The following RELN variants were observed in gnomAD, a reference collection of about 807,000 sequenced individuals.
RELN encodes reelin.
RELN carries 108 observed loss-of-function variants against 427.6 expected under a neutral mutation model. The observed-to-expected ratio is 0.25, with a 90% CI of 0.22 to 0.30. The LOEUF (loss-of-function observed/expected upper bound fraction) is 0.30, where lower values mean the gene tolerates loss of function less well. RELN is among the 10% of genes least tolerant of loss of function. The pLI is 1.00. For synonymous variants in RELN, 1,524 were observed against 1,513.4 expected (o/e 1.01, Z -0.16); for missense variants, 3,715 against 4,302.8 (o/e 0.86, Z 3.82).
intron 48 of RELN, among the ~76,000 whole-genome samples, chr7:103,520,954 G>GTTTTTTTTTTTTTTTTTTTTT (rs1462369530): frequency 2.6e-5 from 2 of 78,190 alleles, no homozygotes; most frequent in Admixed American, 1.5e-4. Context: ...CAGTAAATTT[G>GTTTTTTTTTTTTTTTTTTTTT]TTATTTTTTT....
intron 1 of RELN, among the ~76,000 whole-genome samples, chr7:103,924,941 C>T (rs1245681451): frequency 6.6e-6 from 1 of 151,224 alleles, no homozygotes; most frequent in Non-Finnish European, 1.5e-5. Flanking sequence ...AAACCCCAAC[C>T]CACCCTACAA....
intron 50 of RELN, among the ~76,000 whole-genome samples, chr7:103,511,897 C>T (rs1264963189): frequency 6.6e-6 from 1 of 152,100 alleles, no homozygotes; most frequent in Non-Finnish European, 1.5e-5. Flanking sequence ...TGGAAATATG[C>T]ACAACCCATG....
intron 3 of RELN, among the ~76,000 whole-genome samples, chr7:103,786,612 T>C (rs755003009): frequency 2.6e-5 from 4 of 151,156 alleles, no homozygotes; most frequent in Non-Finnish European, 4.4e-5. Context: ...AGAAGGGCAT[T>C]ACATAATAGT....
At chr7:103,541,227 G>A (rs1008027005) in intron 43 of RELN, among the ~76,000 whole-genome samples, 6 of 152,124 alleles carry the variant, frequency 3.9e-5, no homozygotes. Flanking sequence ...AACCAGCTGG[G>A]GTGCCAATGA....
intron 12 of RELN, among the ~76,000 whole-genome samples, chr7:103,655,265 T>C (rs1833001641): frequency 6.6e-6 from 1 of 152,076 alleles, no homozygotes; most frequent in Non-Finnish European, 1.5e-5. Flanking sequence ...GGCATGTATA[T>C]GTATTTCCTG....
intron 16 of RELN, among the ~76,000 whole-genome samples, chr7:103,642,850 G>A (rs971142231): frequency 6.6e-6 from 1 of 152,032 alleles, no homozygotes; most frequent in Non-Finnish European, 1.5e-5. Context: ...AGAGGCAAAT[G>A]CCTACTCCCT....
At chr7:103,513,994 A>C (rs979844574) in intron 50 of RELN, 3 of 152,176 alleles carry the variant, frequency 2.0e-5, no homozygotes, top group Non-Finnish European at 4.4e-5. Context: ...TAAAATTAAA[A>C]ATTTTTAAAC....
intron 3 of RELN, among the ~76,000 whole-genome samples, chr7:103,780,217 C>G (rs62480723): frequency 0.029 from 4,396 of 152,308 alleles, 85 homozygotes; most frequent in Non-Finnish European, 0.045. Flanking sequence ...AACCCCTTCT[C>G]CCACAGTGTT....
intron 53 of RELN, 51 bp from the exon 54 acceptor site, chr7:103,498,303 A>T: frequency 6.6e-7 from 1 of 1,514,112 alleles, no homozygotes; most frequent in African/African-American, 1.4e-5. Flanking sequence ...TCAGATAACT[A>T]TGGAATATTT....
chr7:103,641,355 T>C (rs1162347338), intron 16 of RELN, among the ~76,000 whole-genome samples: 1 of 152,226 alleles, frequency 6.6e-6, no homozygotes, highest in Non-Finnish European at 1.5e-5. Flanking sequence ...AGTATTTACA[T>C]AATTTTATTG....
chr7:103,682,199 A>T lies in RELN; in HGVS notation c.1206T>A (p.Asn402Lys). 6.2e-7 allele frequency: 1 copy of T among 1,614,056 alleles called. No homozygotes were observed. Among genetic ancestry groups the T allele is most frequent in the South Asian group, 1.1e-5 (1 of 91,076 alleles). ...YFHGNEGSEFNFATTRDVDLS... is the reference protein window; with the variant it reads ...YFHGNEGSEFKFATTRDVDLS... Reference sequence around the variant, plus strand: ...GATCTACATCCCTGGTGGTGGCAAAATTGAACTCGCTGCCTTCATTTCCAT... The same window carrying T: ...GATCTACATCCCTGGTGGTGGCAAATTTGAACTCGCTGCCTTCATTTCCAT... The change falls in exon 11 of 65, where the codon AAT (asparagine) becomes AAA (lysine). Residue 402 changes from asparagine (N) to lysine (K), a missense_variant. By Grantham distance (94) the Asn-to-Lys change is moderately conservative (BLOSUM62 0). This residue lies in a region of RELN where 2,208 missense variants were observed against 2,361.7 expected (regional missense o/e 0.93). Coordinates refer to ENST00000428762, the MANE Select transcript of RELN (RefSeq NM_005045.4).
At chr7:103,812,646 T>A (rs1312250362) in intron 3 of RELN, among the ~76,000 whole-genome samples, 1 of 152,206 alleles carries the variant, frequency 6.6e-6, no homozygotes, top group Admixed American at 6.5e-5. Flanking sequence ...CAAAGGCCAA[T>A]CTTTTCTTTT....
chr7:103,670,694 C>T (rs1472627599), intron 11 of RELN, among the ~76,000 whole-genome samples: 2 of 151,828 alleles, frequency 1.3e-5, no homozygotes, highest in African/African-American at 4.8e-5. Flanking sequence ...AAAAGTCAGG[C>T]ATTCAGTTTA....
chr7:103,804,933 C>T (rs1263173263), intron 3 of RELN, among the ~76,000 whole-genome samples: 2 of 152,036 alleles, frequency 1.3e-5, no homozygotes, highest in African/African-American at 4.8e-5. Flanking sequence ...GGATGAGTAA[C>T]TTGCAATTGT....
intron 2 of RELN, among the ~76,000 whole-genome samples, chr7:103,865,887 A>C (rs1794186430): frequency 6.6e-6 from 1 of 152,188 alleles, no homozygotes. Context: ...CAGTACAGAA[A>C]GTATTTATTG....
intron 15 of RELN, among the ~76,000 whole-genome samples, chr7:103,650,821 T>C (rs1391220259): frequency 6.6e-6 from 1 of 152,096 alleles, no homozygotes. Context: ...CAAGGTCTCA[T>C]ACTATGTTGC....
At chr7:103,906,355 T>G (rs1467700545) in intron 2 of RELN, among the ~76,000 whole-genome samples, 2 of 152,140 alleles carry the variant, frequency 1.3e-5, no homozygotes, top group Non-Finnish European at 2.9e-5. Flanking sequence ...AGGAGAATTA[T>G]AGTAGAATTT....
At chr7:103,749,014 G>A (rs1032062139) in intron 6 of RELN, among the ~76,000 whole-genome samples, 1 of 152,070 alleles carries the variant, frequency 6.6e-6, no homozygotes, top group African/African-American at 2.4e-5. Flanking sequence ...GCTTTTGAAG[G>A]AAAGACTGGA....
chr7:103,777,788 CTCTGAAGGTAA>C (rs1168665312), intron 3 of RELN, among the ~76,000 whole-genome samples: 1 of 151,940 alleles, frequency 6.6e-6, no homozygotes, highest in Non-Finnish European at 1.5e-5. Flanking sequence ...GGACCCAAGT[CTCTGAAGGTAA>C]TCTGATAAAT....
Sources: allele counts gnomAD v4.1 joint callset (sites outside exome capture counted in the v4.1 genomes callset), GRCh38; gene constraint gnomAD v4.1.1; regional missense constraint gnomAD v4.1.1; transcripts MANE v1.5; gene names NCBI Gene and HGNC (gene_info 2026-07-23, HGNC 2026-07-21).